TENM3: variants seen among roughly 807,000 people sequenced by gnomAD.
The protein encoded by TENM3 is teneurin transmembrane protein 3.
In TENM3, 63 loss-of-function variants were observed where a neutral mutation model predicts 255.1. The observed-to-expected ratio is 0.25, with a 90% CI of 0.20 to 0.30. The LOEUF (loss-of-function observed/expected upper bound fraction) is 0.30, where lower values mean the gene tolerates loss of function less well. Ranked by LOEUF, TENM3 falls within the 10% of genes least tolerant of loss-of-function variation. The pLI, the probability that TENM3 is intolerant of heterozygous loss-of-function variation, is 1.00. For synonymous variants in TENM3, 1,306 were observed against 1,322.3 expected, an observed-to-expected ratio of 0.99 and a Z score of 0.27; for missense variants, 2,929 against 3,461.1, an observed-to-expected ratio of 0.85 and a Z score of 3.86.
the TENM3 span, among the ~76,000 whole-genome samples, chr4:182,031,321 C>T: frequency 1.3e-5 from 2 of 152,106 alleles, no homozygotes; most frequent in African/African-American, 4.8e-5. Context: ...ATTATTTCTC[C>T]ATTATTTGTT....
chr4:181,650,573 G>A, the TENM3 span, among the ~76,000 whole-genome samples: 2 of 152,044 alleles, frequency 1.3e-5, no homozygotes, highest in Non-Finnish European at 2.9e-5. Context: ...CTTGTCACCT[G>A]TAATTCTGCA....
At chr4:182,553,807 C>T (rs1221286519) in intron 3 of TENM3, among the ~76,000 whole-genome samples, 5 of 152,158 alleles carry the variant, frequency 3.3e-5, no homozygotes, top group Admixed American at 6.5e-5. Flanking sequence ...AGTCCATCTG[C>T]GTTGTGATTT....
the TENM3 span, among the ~76,000 whole-genome samples, chr4:181,486,539 G>A: frequency 6.6e-6 from 1 of 152,174 alleles, no homozygotes; most frequent in Non-Finnish European, 1.5e-5. Flanking sequence ...CTTATCTTCA[G>A]CTAAATGAAT....
At chr4:182,662,512 T>A (rs554644333) in intron 6 of TENM3, among the ~76,000 whole-genome samples, 6 of 152,226 alleles carry the variant, frequency 3.9e-5, no homozygotes, top group Non-Finnish European at 8.8e-5. Flanking sequence ...CTCTATTTTT[T>A]CCTCCAGTTT....
At chr4:182,613,563 G>A (rs1313405978) in intron 4 of TENM3, among the ~76,000 whole-genome samples, 2 of 151,948 alleles carry the variant, frequency 1.3e-5, no homozygotes, top group Admixed American at 6.6e-5. Flanking sequence ...TAATTCTCCC[G>A]TTTACTTAAG....
the TENM3 span, among the ~76,000 whole-genome samples, chr4:181,818,438 G>A: frequency 6.2e-3 from 942 of 152,102 alleles, 5 homozygotes; most frequent in African/African-American, 9.1e-3. Flanking sequence ...CTGACGGCCC[G>A]CCCTATAGAT....
chr4:181,540,411 A>G, the TENM3 span, among the ~76,000 whole-genome samples: 1 of 152,138 alleles, frequency 6.6e-6, no homozygotes, highest in African/African-American at 2.4e-5. Context: ...ACAGAGATCA[A>G]GCACATGCCC....
chr4:182,729,760 G>A (rs1354493749), intron 14 of TENM3, among the ~76,000 whole-genome samples: 2 of 152,180 alleles, frequency 1.3e-5, no homozygotes, highest in Non-Finnish European at 2.9e-5. Context: ...GCCAGCAGTT[G>A]ATTCAAAGTT....
chr4:182,336,274 C>A (rs2150584207), intron 2 of TENM3, among the ~76,000 whole-genome samples: 1 of 152,110 alleles, frequency 6.6e-6, no homozygotes, highest in Admixed American at 6.5e-5. Context: ...TGATTCTTAT[C>A]AACTTCTAAA....
the TENM3 span, among the ~76,000 whole-genome samples, chr4:181,854,409 G>C: frequency 6.6e-6 from 1 of 152,128 alleles, no homozygotes; most frequent in Non-Finnish European, 1.5e-5. Context: ...AGGCAAGCTC[G>C]TTCAGAAAAG....
intron 1 of TENM3, among the ~76,000 whole-genome samples, chr4:182,276,260 G>A (rs866666252): frequency 9.9e-5 from 15 of 152,142 alleles, no homozygotes; most frequent in South Asian, 2.1e-4. Context: ...TGCCCTTTAC[G>A]GTCAAACCAG....
chr4:182,437,913 C>T (rs1394582739), intron 3 of TENM3, among the ~76,000 whole-genome samples: 1 of 152,026 alleles, frequency 6.6e-6, no homozygotes, highest in Non-Finnish European at 1.5e-5. Flanking sequence ...GATAGCACCA[C>T]AGCACTCCAG....
At chr4:181,710,016 A>G in the TENM3 span, among the ~76,000 whole-genome samples, 5 of 152,322 alleles carry the variant, frequency 3.3e-5, no homozygotes, top group Non-Finnish European at 7.4e-5. Flanking sequence ...TGACATGCAT[A>G]TTAAATATCC....
the TENM3 span, among the ~76,000 whole-genome samples, chr4:181,553,320 G>GTATATATATA: frequency 1.2e-4 from 14 of 115,700 alleles, no homozygotes; most frequent in African/African-American, 4.8e-4. Flanking sequence ...ATGTGTATGC[G>GTATATATATA]TATATATATA....
the TENM3 span, among the ~76,000 whole-genome samples, chr4:181,615,467 C>A: frequency 2.0e-5 from 3 of 152,132 alleles, no homozygotes; most frequent in African/African-American, 7.2e-5. Context: ...TACATCAATC[C>A]TTCAGTTATA....
chr4:181,524,424 G>A, the TENM3 span, among the ~76,000 whole-genome samples: 1 of 152,210 alleles, frequency 6.6e-6, no homozygotes, highest in African/African-American at 2.4e-5. Context: ...GTGTCTTTGG[G>A]ATGCAGGCAT....
chr4:182,730,021 G>A (rs1760562656), intron 14 of TENM3, among the ~76,000 whole-genome samples, 179 bp from the exon 15 acceptor site: 1 of 152,186 alleles, frequency 6.6e-6, no homozygotes, highest in African/African-American at 2.4e-5. Context: ...TAGAGAATAT[G>A]CGTTACACTG....
chr4:181,706,531 G>C, the TENM3 span, among the ~76,000 whole-genome samples: 1 of 152,166 alleles, frequency 6.6e-6, no homozygotes, highest in Admixed American at 6.5e-5. Flanking sequence ...CAACATATTA[G>C]AATTTCATCC....
chr4:181,970,653 C>A, the TENM3 span, among the ~76,000 whole-genome samples: 2 of 152,090 alleles, frequency 1.3e-5, no homozygotes. Context: ...CCCACTTAAT[C>A]AGGGTTCCAG....
Sources: gnomAD v4.1 joint callset for allele counts (sites outside exome capture counted in the v4.1 genomes callset) on GRCh38, gnomAD v4.1.1 for gene constraint, MANE v1.5 for transcripts, NCBI Gene and HGNC (gene_info 2026-07-23, HGNC 2026-07-21) for gene names.